The following ART3 variants were observed in gnomAD, a reference collection of about 807,000 sequenced individuals.
The protein encoded by ART3 is ADP-ribosyltransferase 3 (inactive), also known as ecto-ADP-ribosyltransferase 3.
ART3 carries 49 observed loss-of-function variants against 48.5 expected under a neutral mutation model. The ratio of observed to expected loss-of-function variants is 1.01; its 90% CI spans 0.80 to 1.28. The LOEUF is 1.28. ART3 is among the 50% of genes most tolerant of loss of function. The pLI, the probability that ART3 is intolerant of heterozygous loss-of-function variation, is 0.00. For synonymous variants in ART3, 145 were observed against 157.2 expected, an observed-to-expected ratio of 0.92 and a Z score of 0.58; for missense variants, 438 against 454.3, an observed-to-expected ratio of 0.96 and a Z score of 0.33.
At chr4:76,077,164 T>C (rs915585653) in intron 2 of ART3, among the ~76,000 whole-genome samples, 11 of 152,210 alleles carry the variant, frequency 7.2e-5, no homozygotes, top group Admixed American at 5.9e-4. Context: ...AACCCTGTAC[T>C]TATTAGCAGT....
intron 1 of ART3, chr4:76,035,180 T>C (rs1203250345): frequency 6.2e-7 from 1 of 1,613,874 alleles, no homozygotes; most frequent in Admixed American, 1.7e-5. Context: ...CAAAAAAGCC[T>C]GCACCATTGT....
At position 76,100,293 on chromosome 4, in the gene ART3, G is replaced by T; in HGVS notation, c.850G>T (p.Glu284Ter). 1 of 1,612,262 alleles carries T rather than the reference G, an allele frequency of 6.2e-7. No homozygotes were observed. Among genetic ancestry groups the T allele is most frequent in the East Asian group, 2.2e-5 (1 of 44,744 alleles). ...TGAACTTCTTTTCTGTGACTCAGGT[G>T]AGAAAAACCAGAAGCTTGAAGACCA... ...FQPIYVYNPG[E>*]KNQKLEDHSE... is the part of the protein sequence containing the mutation. Residue 284 changes from glutamate (E) to a stop codon, truncating the protein, a stop_gained and splice_region_variant, in exon 6 of 12, where the codon GAG becomes TAG. Coordinates refer to ENST00000355810, the MANE Select transcript of ART3 (RefSeq NM_001130016.3). LOFTEE classifies it high-confidence loss of function.
intron 4 of ART3, among the ~76,000 whole-genome samples, chr4:76,097,892 C>CT (rs1726371754): frequency 6.6e-6 from 1 of 152,208 alleles, no homozygotes; most frequent in Non-Finnish European, 1.5e-5. Context: ...CACCCCAAGA[C>CT]TTGCCTGTGG....
chr4:76,059,359 C>CTAG (rs1553929145), intron 1 of ART3, among the ~76,000 whole-genome samples: 3 of 92,124 alleles, frequency 3.3e-5, no homozygotes, highest in Non-Finnish European at 6.5e-5. Flanking sequence ...GTTATTTTCT[C>CTAG]TTGTTTTTTT....
At chr4:76,101,142 C>T in intron 8 of ART3, 123 bp downstream of exon 8, 1 of 1,181,980 alleles carries the variant, frequency 8.5e-7, no homozygotes, top group Admixed American at 2.2e-5. Context: ...CCTTAGCTTA[C>T]TGGTTTGGTA....
intron 1 of ART3, among the ~76,000 whole-genome samples, chr4:76,042,792 AAG>A (rs1435755630): frequency 6.6e-6 from 1 of 152,070 alleles, no homozygotes; most frequent in Non-Finnish European, 1.5e-5. Context: ...ATTTATTGCA[AAG>A]AGTGAAAGAA....
chr4:76,108,858 G>A (rs7678980), intron 11 of ART3, among the ~76,000 whole-genome samples: 83,354 of 152,068 alleles, frequency 0.55, 25,139 homozygotes, highest in African/African-American at 0.81. Flanking sequence ...CGGTAACACA[G>A]TGGTAAGTAT....
intron 3 of ART3, among the ~76,000 whole-genome samples, chr4:76,096,890 A>G (rs1303804733): frequency 1.3e-5 from 2 of 152,172 alleles, no homozygotes; most frequent in Non-Finnish European, 2.9e-5. Flanking sequence ...AAGGATGTTG[A>G]AGGTCTGATT....
intron 1 of ART3, among the ~76,000 whole-genome samples, chr4:76,032,766 A>G (rs1487517290): frequency 6.6e-6 from 1 of 151,754 alleles, no homozygotes; most frequent in Non-Finnish European, 1.5e-5. Flanking sequence ...TTGCATTTTA[A>G]GTAGAAATGG....
chr4:76,015,456 T>C (rs1208330985), intron 1 of ART3, among the ~76,000 whole-genome samples: 1 of 152,070 alleles, frequency 6.6e-6, no homozygotes, highest in Non-Finnish European at 1.5e-5. Flanking sequence ...AATAGTACAC[T>C]CTAAAAATTC....
intron 10 of ART3, among the ~76,000 whole-genome samples, chr4:76,106,659 A>C (rs1225303434): frequency 6.6e-6 from 1 of 152,116 alleles, no homozygotes; most frequent in Non-Finnish European, 1.5e-5. Flanking sequence ...AGAGAAAGGA[A>C]TGTGCTTATT....
At chr4:76,104,731 A>G in intron 10 of ART3, 102 bp downstream of exon 10, 9 of 1,394,278 alleles carry the variant, frequency 6.5e-6, no homozygotes, top group South Asian at 6.4e-5. Flanking sequence ...ATTGTCATCT[A>G]TCAAATGTAG....
At chr4:76,018,077 C>T (rs374719150) in intron 1 of ART3, among the ~76,000 whole-genome samples, 1 of 152,204 alleles carries the variant, frequency 6.6e-6, no homozygotes, top group African/African-American at 2.4e-5. Flanking sequence ...ACCATTCAAC[C>T]CAGCAATCCC....
At chr4:76,067,921 A>T (rs954029233) in intron 1 of ART3, among the ~76,000 whole-genome samples, 6 of 152,110 alleles carry the variant, frequency 3.9e-5, no homozygotes, top group African/African-American at 1.4e-4. Flanking sequence ...TGCACTCACC[A>T]CTGTAATGTT....
At chr4:76,066,664 A>AT (rs1719764977) in intron 1 of ART3, among the ~76,000 whole-genome samples, 1 of 151,992 alleles carries the variant, frequency 6.6e-6, no homozygotes, top group Non-Finnish European at 1.5e-5. Context: ...TGGTTGGCCC[A>AT]TGGGTGGTCA....
chr4:76,026,210 G>C (rs912761943), intron 1 of ART3, among the ~76,000 whole-genome samples: 1 of 151,796 alleles, frequency 6.6e-6, no homozygotes. Flanking sequence ...TAGCTGGCTT[G>C]TACCTTCTCT....
chr4:76,057,760 C>A (rs562761950), intron 1 of ART3, among the ~76,000 whole-genome samples: 5 of 152,260 alleles, frequency 3.3e-5, no homozygotes, highest in African/African-American at 1.2e-4. Context: ...CACTTTGGAT[C>A]CAGAAATCAA....
intron 1 of ART3, among the ~76,000 whole-genome samples, chr4:76,050,694 C>T (rs1735981752): frequency 6.6e-6 from 1 of 152,172 alleles, no homozygotes; most frequent in Non-Finnish European, 1.5e-5. Flanking sequence ...GGACTGGGCA[C>T]CGTGGAGCAG....
Position 76,067,159 on chromosome 4 carries a change from TA to T in ART3, c.-9-8720del, listed in dbSNP as rs989034296. 5.6e-4 allele frequency among the ~76,000 whole-genome samples: 85 copies of T among 152,378 alleles called. 1 individual carries two copies. Among genetic ancestry groups the T allele is most frequent in the African/African-American group, 1.8e-3 (75 of 41,596 alleles). ...GGTCTCTTAGAAAAAGCATTATATTTAACAAGTTGAACATAACAAAGTAGCA... is the reference window on the plus strand; with the variant it reads ...GGTCTCTTAGAAAAAGCATTATATTTACAAGTTGAACATAACAAAGTAGCA... On this transcript the variant is annotated intron_variant, in intron 1 of 9. Transcript: ENST00000341029.
Sources: allele counts gnomAD v4.1 joint callset (sites outside exome capture counted in the v4.1 genomes callset), GRCh38; gene constraint gnomAD v4.1.1; transcripts MANE v1.5; gene names NCBI Gene and HGNC (gene_info 2026-07-23, HGNC 2026-07-21).